Variants in IMPG1 observed in about 807,000 individuals in gnomAD.
IMPG1 encodes the protein interphotoreceptor matrix proteoglycan of 150 kDa.
In IMPG1, 85 loss-of-function variants were observed where a neutral mutation model predicts 92.0. That is an observed-to-expected ratio of 0.92 (90% confidence interval 0.78 to 1.11). The LOEUF is 1.11. IMPG1 is among the 50% of genes least tolerant of loss of function. IMPG1 has a pLI of 0.00. For missense variants in IMPG1, 1,022 were observed against 956.0 expected, an observed-to-expected ratio of 1.07 and a Z score of -0.91; for synonymous variants, 367 against 334.1, an observed-to-expected ratio of 1.10 and a Z score of -1.08.
At chr6:76,065,231 C>T (rs1459464079) in intron 1 of IMPG1, among the ~76,000 whole-genome samples, 3 of 151,942 alleles carry the variant, frequency 2.0e-5, no homozygotes, top group Non-Finnish European at 4.4e-5. Context: ...CACAATGGAT[C>T]TTAACCAAAA....
rs1784082158 is a variant in IMPG1, at chr6:76,053,992, A to G, written c.68-11866T>C. Among the ~76,000 whole-genome samples, 3 of 152,154 alleles carry G rather than the reference A, an allele frequency of 2.0e-5. No homozygotes were observed. The South Asian group carries it at 6.2e-4, about 31-fold the overall frequency. On this transcript the variant is annotated intron_variant, in intron 1 of 16. Coordinates refer to ENST00000369950, the MANE Select transcript of IMPG1 (RefSeq NM_001563.4). ...TTGCCTGTTAACTTTTGGATGGATA[A>G]GGACCTATCAGTTCCTGCAGAAAAG...
chr6:76,048,349 G>T (rs754780821), intron 1 of IMPG1, among the ~76,000 whole-genome samples: 11 of 152,294 alleles, frequency 7.2e-5, no homozygotes, highest in Non-Finnish European at 1.6e-4. Context: ...CCTTCTTGCT[G>T]ATTCTTTCTC....
At chr6:75,942,521 T>A (rs1381486593) in intron 14 of IMPG1, among the ~76,000 whole-genome samples, 1 of 152,204 alleles carries the variant, frequency 6.6e-6, no homozygotes, top group African/African-American at 2.4e-5. Flanking sequence ...AGCCAAGAGC[T>A]GTGTAAATTG....
At chr6:76,042,240 T>C (rs1404330614) in intron 1 of IMPG1, 114 bp from the exon 2 acceptor site, 6 of 668,208 alleles carry the variant, frequency 9.0e-6, no homozygotes, top group Non-Finnish European at 1.6e-5. Flanking sequence ...GTTTATGAAA[T>C]TTCTACCGTG....
At chr6:75,923,819 G>A in intron 15 of IMPG1, 113 bp from the exon 16 acceptor site, 1 of 609,588 alleles carries the variant, frequency 1.6e-6, no homozygotes, top group Non-Finnish European at 2.8e-6. Context: ...AAAATAGATA[G>A]CATATTTTTG....
chr6:76,020,891 TG>T (rs1783411565), intron 6 of IMPG1, among the ~76,000 whole-genome samples: 2 of 152,340 alleles, frequency 1.3e-5, no homozygotes, highest in Admixed American at 1.3e-4. Flanking sequence ...AAAATCAACT[TG>T]TTTTTACTCC....
chr6:75,931,465 A>C (rs903606747), intron 14 of IMPG1, among the ~76,000 whole-genome samples: 2 of 152,188 alleles, frequency 1.3e-5, no homozygotes, highest in Non-Finnish European at 2.9e-5. Flanking sequence ...AGCAGCGTGG[A>C]ATGGGGACTG....
intron 1 of IMPG1, among the ~76,000 whole-genome samples, chr6:76,046,245 A>G (rs1294488595): frequency 1.3e-5 from 2 of 152,300 alleles, no homozygotes; most frequent in Non-Finnish European, 1.5e-5. Context: ...AGGTAGTTCT[A>G]AAAAGCGTAT....
intron 14 of IMPG1, among the ~76,000 whole-genome samples, chr6:75,942,783 A>G (rs1026761939): frequency 4.6e-5 from 7 of 152,348 alleles, no homozygotes; most frequent in South Asian, 2.1e-4. Flanking sequence ...AAAAAGAGGA[A>G]GAAAATGATT....
intron 5 of IMPG1, among the ~76,000 whole-genome samples, chr6:76,023,053 T>TCA (rs1783461394): frequency 6.6e-6 from 1 of 152,196 alleles, no homozygotes; most frequent in Non-Finnish European, 1.5e-5. Context: ...TCACAAGTGG[T>TCA]TACTTGTCAC....
chr6:76,062,446 T>C (rs1784223350), intron 1 of IMPG1, among the ~76,000 whole-genome samples: 1 of 152,194 alleles, frequency 6.6e-6, no homozygotes, highest in Non-Finnish European at 1.5e-5. Flanking sequence ...AAGGCTGATA[T>C]AAAATTTGTG....
intron 10 of IMPG1, among the ~76,000 whole-genome samples, chr6:76,004,432 T>C (rs555536970): frequency 6.6e-6 from 1 of 152,330 alleles, no homozygotes; most frequent in African/African-American, 2.4e-5. Flanking sequence ...GAAGTTGACC[T>C]TTTCTTGCCT....
chr6:76,022,060 G>T, intron 6 of IMPG1, 56 bp downstream of exon 6: 3 of 933,620 alleles, frequency 3.2e-6, no homozygotes, highest in Non-Finnish European at 3.4e-6. Context: ...TTCCTGTTTT[G>T]CTAAAGAACA....
intron 12 of IMPG1, among the ~76,000 whole-genome samples, chr6:76,001,691 C>T (rs1782992358): frequency 6.6e-6 from 1 of 152,162 alleles, no homozygotes; most frequent in African/African-American, 2.4e-5. Flanking sequence ...GGATCTTCAA[C>T]ACCAGTTGAG....
intron 7 of IMPG1, among the ~76,000 whole-genome samples, chr6:76,014,720 TGG>T (rs1296826431): frequency 3.3e-5 from 5 of 152,300 alleles, no homozygotes; most frequent in Middle Eastern, 6.8e-3. Flanking sequence ...CAATCGACCC[TGG>T]GACTGGCATT....
intron 4 of IMPG1, among the ~76,000 whole-genome samples, chr6:76,031,223 C>A (rs1055444386): frequency 6.6e-6 from 1 of 152,156 alleles, no homozygotes; most frequent in Non-Finnish European, 1.5e-5. Context: ...GGTCCCAAAG[C>A]ATTGTGTCTG....
intron 12 of IMPG1, among the ~76,000 whole-genome samples, chr6:75,951,725 T>G (rs1049666092): frequency 4.6e-5 from 7 of 152,142 alleles, no homozygotes; most frequent in Non-Finnish European, 7.4e-5. Context: ...AAGGTATTGG[T>G]GAACATATAA....
At chr6:75,993,439 G>C (rs1459047743) in intron 12 of IMPG1, among the ~76,000 whole-genome samples, 1 of 151,886 alleles carries the variant, frequency 6.6e-6, no homozygotes, top group Non-Finnish European at 1.5e-5. Context: ...CTGTCCTCTA[G>C]TTGTATCCCC....
chr6:75,971,343 C>A (rs1254097754), intron 12 of IMPG1, among the ~76,000 whole-genome samples: 3 of 150,274 alleles, frequency 2.0e-5, no homozygotes, highest in Non-Finnish European at 4.4e-5. Flanking sequence ...GGGGAGGGAT[C>A]GCACTGGGAG....
Sources: allele counts gnomAD v4.1 joint callset (sites outside exome capture counted in the v4.1 genomes callset), GRCh38; gene constraint gnomAD v4.1.1; transcripts MANE v1.5; gene names NCBI Gene and HGNC (gene_info 2026-07-23, HGNC 2026-07-21).